The following ZNF862 variants were observed in gnomAD, a reference collection of about 807,000 sequenced individuals.
The protein encoded by ZNF862 is zinc finger protein 862.
A neutral mutation model predicts 91.1 loss-of-function variants in ZNF862; 64 were observed. The observed-to-expected ratio is 0.70, with a 90% CI of 0.57 to 0.87. The LOEUF (loss-of-function observed/expected upper bound fraction) is 0.87, where lower values mean the gene tolerates loss of function less well. Among genes scored for constraint, ZNF862 ranks in the 40% least tolerant of loss-of-function variants. The pLI is 0.00. For synonymous variants in ZNF862, 631 were observed against 618.1 expected (o/e 1.02, Z -0.31); for missense variants, 1,459 against 1,528.0 (o/e 0.95, Z 0.75).
In ZNF862 at chr7:149,860,585, G is replaced by A; in HGVS notation, c.1425G>A (p.Trp475Ter). ...IQRSWFGQFP[W>*]LVIDPKETKL... Reference sequence around the variant, plus strand: ...GGTCATGGTTTGGGCAGTTCCCATGGTTAGTAATTGACCCCAAAGAGACCA... The same window carrying A: ...GGTCATGGTTTGGGCAGTTCCCATGATTAGTAATTGACCCCAAAGAGACCA... The change falls in exon 7 of 8, where the codon TGG becomes TGA. Residue 475 changes from tryptophan (W) to a stop codon, truncating the protein, a stop_gained. Coordinates refer to ENST00000223210, the MANE Select transcript of ZNF862 (RefSeq NM_001099220.3). LOFTEE classifies it high-confidence loss of function. 1 of 1,613,998 alleles carries A rather than the reference G, an allele frequency of 6.2e-7. No individual in the cohort carries two copies. The highest frequency in any genetic ancestry group is 2.2e-5 in the East Asian group (1 of 44,882).
chr7:149,864,768 CT>C lies in ZNF862; in HGVS notation c.*486del, dbSNP rs2128943956. The stretch of plus-strand genomic sequence containing the variant: ...AGCCCCCAGAGGCATTGTTCTGGGA[CT>C]TCCTACCCTGGCTCCCACAGCAGAA... On this transcript the variant is annotated 3_prime_UTR_variant, in exon 8 of 8. Coordinates refer to ENST00000223210, the MANE Select transcript of ZNF862 (RefSeq NM_001099220.3). The C allele has an allele frequency of 6.4e-6, 1 of 155,794 alleles. No individual in the cohort carries two copies. The highest frequency in any genetic ancestry group is 2.4e-5 in the African/African-American group (1 of 41,588). The allele number at this position is 155,794 out of a possible 1,614,324, so 9.7% of individuals were successfully genotyped here. A position where few individuals can be genotyped will look rare whatever the true frequency, so the allele number is the denominator to read the frequency against.
Position 149,862,029 on chromosome 7 carries a change from A to G in ZNF862, c.2869A>G (p.Ser957Gly), listed in dbSNP as rs766666077. The G allele has an allele frequency of 6.2e-7, 1 of 1,613,832 alleles. No individual in the cohort carries two copies. The highest frequency in any genetic ancestry group is 8.5e-7 in the Non-Finnish European group (1 of 1,179,882). Residue 957 changes from serine (S) to glycine (G), a missense_variant, in exon 7 of 8, where the codon AGT becomes GGT. Transcript: ENST00000223210. ...MEVFDTMAWP[S>G]GIELASFGND... ...GGTGTTTGACACCATGGCCTGGCCA[A>G]GTGGGATTGAACTTGCCAGTTTTGG...
At chr7:149,863,970 G>C (rs973365725) in intron 7 of ZNF862, 139 bp from the exon 8 acceptor site, 6 of 814,308 alleles carry the variant, frequency 7.4e-6, no homozygotes, top group Non-Finnish European at 1.1e-5. Context: ...CAACAGATGA[G>C]GGCTGCAAAG....
At chr7:149,863,624 T>C (rs189718303) in intron 7 of ZNF862, among the ~76,000 whole-genome samples, 57 of 152,270 alleles carry the variant, frequency 3.7e-4, no homozygotes, top group Middle Eastern at 3.4e-3. Context: ...TGTGCCCTGA[T>C]GCGAGTTACT....
rs1802714672 is a variant in ZNF862 at position 149,866,183 on chromosome 7, T to C, written c.*1899T>C. Reference sequence around the variant, plus strand: ...GCTTTCTGCCTTTGACCTGTGGAAATGTCTCCCAGCCCTGTGGGTCTGGCG... The same window carrying C: ...GCTTTCTGCCTTTGACCTGTGGAAACGTCTCCCAGCCCTGTGGGTCTGGCG... On this transcript the variant is annotated 3_prime_UTR_variant, in exon 8 of 8. Transcript: ENST00000223210. 1 of 152,288 alleles carries C rather than the reference T, an allele frequency of 6.6e-6. No individual in the cohort carries two copies. The highest frequency in any genetic ancestry group is 6.5e-5 in the Admixed American group (1 of 15,286). 9.4% of individuals were successfully genotyped at this position (152,288 alleles called of 1,614,324 possible). A position where few individuals can be genotyped will look rare whatever the true frequency, so the allele number is the denominator to read the frequency against.
chr7:149,862,195 C>G lies in ZNF862; in HGVS notation c.3035C>G (p.Ala1012Gly). The stretch of plus-strand genomic sequence containing the variant: ...CCGTTCTCCATGCTCTGCAAAAACG[C>G]CCTGGCCCAGCACTGCCGCTTCCCC... ...HLPFSMLCKN[A>G]LAQHCRFPLL... Residue 1012 changes from alanine to glycine, a missense_variant, in exon 7 of 8, where the codon GCC (alanine) becomes GGC (glycine). Coordinates refer to ENST00000223210, the MANE Select transcript of ZNF862 (RefSeq NM_001099220.3). The G allele has an allele frequency of 3.7e-6, 6 of 1,613,634 alleles. No individual in the cohort carries two copies. The highest frequency in any genetic ancestry group is 5.1e-6 in the Non-Finnish European group (6 of 1,179,886).
chr7:149,861,967 T>C lies in ZNF862; in HGVS notation c.2807T>C (p.Phe936Ser), dbSNP rs1046387451. 1.9e-6 allele frequency: 3 copies of C among 1,613,700 alleles called. No homozygotes were observed. The highest frequency in any genetic ancestry group is 2.5e-6 in the Non-Finnish European group (3 of 1,179,868). Reference protein sequence around the residue: ...LTGIEYLQQRFDADRPPQLKN... With the variant: ...LTGIEYLQQRSDADRPPQLKN... ...GGGATTGAGTACCTCCAGCAGAGGT[T>C]TGACGCAGACCGACCCCCACAGCTG... The change falls in exon 7 of 8, where the codon TTT (phenylalanine) becomes TCT (serine). Residue 936 changes from phenylalanine (F) to serine (S), a missense_variant. Phe to Ser is a radical substitution (Grantham distance 155, BLOSUM62 -2). Coordinates refer to ENST00000223210, the MANE Select transcript of ZNF862 (RefSeq NM_001099220.3). This position sits in a 1 kb window ranked among gnomAD's most constrained non-coding sequence, Gnocchi z 6.7.
chr7:149,840,966 C>G, intron 1 of ZNF862: 3 of 985,364 alleles, frequency 3.0e-6, no homozygotes, highest in Non-Finnish European at 3.6e-6. Context: ...CGTGTCCTGT[C>G]CAACCACTAA....
At chr7:149,848,498 C>A in intron 4 of ZNF862, 66 bp downstream of exon 4, 1 of 1,282,612 alleles carries the variant, frequency 7.8e-7, no homozygotes, top group South Asian at 1.7e-5. Flanking sequence ...CGATGTATAT[C>A]CATGCTGATG....
At chr7:149,858,421 TAGTAGTAAATATGTA>T (rs1802333555) in intron 5 of ZNF862, 1 of 152,192 alleles carries the variant, frequency 6.6e-6, no homozygotes, top group South Asian at 2.1e-4. Flanking sequence ...ATATTTTTAT[TAGTAGTAAATATGTA>T]GATATTGACA....
At chr7:149,851,972 T>C (rs1802080446) in intron 5 of ZNF862, 1 of 152,174 alleles carries the variant, frequency 6.6e-6, no homozygotes, top group African/African-American at 2.4e-5. Flanking sequence ...GAGTTGCATG[T>C]GTGTGATTCC....
At chr7:149,840,187 TAAAAAAAAAAAAAAAA>T (rs60721842) in intron 1 of ZNF862, among the ~76,000 whole-genome samples, 5 of 41,252 alleles carry the variant, frequency 1.2e-4, no homozygotes, top group Middle Eastern at 0.025. Context: ...GCTTAAAAAG[TAAAAAAAAAAAAAAAA>T]AAAAAAAAAA....
In ZNF862 at chr7:149,860,727, A is replaced by C. The variant is rs1325996045; in HGVS notation, c.1567A>C (p.Lys523Gln). 6.2e-7 allele frequency: 1 copy of C among 1,613,926 alleles called. No individual in the cohort carries two copies. The highest frequency in any genetic ancestry group is 2.2e-5 in the East Asian group (1 of 44,872). ...VETLKYHEVSKAHRLCVNTVE... is the reference protein window; with the variant it reads ...VETLKYHEVSQAHRLCVNTVE... ...GACTTTAAAATACCATGAAGTCAGC[A>C]AAGCGCACAGGCTCTGTGTCAACAC... Residue 523 changes from lysine to glutamine, a missense_variant, in exon 7 of 8, where the codon AAA becomes CAA. Transcript: ENST00000223210.
rs781220098 is a variant in ZNF862 at position 149,860,481 on chromosome 7, T to G, written c.1321T>G (p.Cys441Gly). 62 of 1,613,886 alleles carry G rather than the reference T, an allele frequency of 3.8e-5. No individual in the cohort carries two copies. The East Asian group carries it at 1.4e-3, about 35-fold the overall frequency. ...PGSPVEARAS[C>G]CSSSICEEGD... Reference sequence around the variant, plus strand: ...CTCTCCCGTGGAGGCCCGTGCCTCCTGCTGCAGTTCCAGCATTTGTGAGGA... The same window carrying G: ...CTCTCCCGTGGAGGCCCGTGCCTCCGGCTGCAGTTCCAGCATTTGTGAGGA... The change falls in exon 7 of 8, where the codon TGC (cysteine) becomes GGC (glycine). Residue 441 changes from cysteine (C) to glycine (G), a missense_variant. By Grantham distance (159) the Cys-to-Gly change is radical. Transcript: ENST00000223210.
At chr7:149,844,936 A>G in intron 2 of ZNF862, 200 bp downstream of exon 2, 2 of 525,910 alleles carry the variant, frequency 3.8e-6, no homozygotes, top group South Asian at 4.2e-5. Context: ...TCCCCTTAAA[A>G]TGGTCAAGAG....
At chr7:149,840,465 T>A (rs2128935053) in intron 1 of ZNF862, among the ~76,000 whole-genome samples, 1 of 152,290 alleles carries the variant, frequency 6.6e-6, no homozygotes, top group Admixed American at 6.5e-5. Context: ...TTTTGATAAA[T>A]TCGGCGTAGC....
intron 1 of ZNF862, chr7:149,841,251 G>C (rs937653269): frequency 3.0e-6 from 3 of 985,214 alleles, no homozygotes. Flanking sequence ...ATAGTGGTTT[G>C]GTCTATTACT....
chr7:149,850,014 T>C lies in ZNF862; in HGVS notation c.940-147T>C. The C allele has an allele frequency of 1.2e-6, 1 of 807,510 alleles. No individual in the cohort carries two copies. Among genetic ancestry groups the C allele is most frequent in the Non-Finnish European group, 2.0e-6 (1 of 511,218 alleles). 50.0% of individuals were successfully genotyped at this position (807,510 alleles called of 1,614,324 possible). A position where few individuals can be genotyped will look rare whatever the true frequency, so the allele number is the denominator to read the frequency against. ...GGCCTCCTGAATTTGATTCTTTGAC[T>C]TTCAGTGGATAAATTAATTCCTCTG... On this transcript the variant is annotated intron_variant, in intron 4 of 7. Coordinates refer to ENST00000223210, the MANE Select transcript of ZNF862 (RefSeq NM_001099220.3). This position sits in a 1 kb window ranked among gnomAD's most constrained non-coding sequence, Gnocchi z 4.2.
rs1432374234 is a variant in ZNF862, at chr7:149,862,069, T to C, written c.2909T>C (p.Leu970Pro). 15 of 1,613,746 alleles carry C rather than the reference T, an allele frequency of 9.3e-6. No individual in the cohort carries two copies. The highest frequency in any genetic ancestry group is 1.3e-5 in the African/African-American group (1 of 75,020). The change falls in exon 7 of 8, where the codon CTC becomes CCC. Residue 970 changes from leucine to proline, a missense_variant. Transcript: ENST00000223210. ...GCCAGTTTTGGGAATGATGACATTCTCAACCTGGCCAGGTATTTCGAGTGC... is the reference window on the plus strand; with the variant it reads ...GCCAGTTTTGGGAATGATGACATTCCCAACCTGGCCAGGTATTTCGAGTGC... The part of the protein sequence containing the change: ...ELASFGNDDI[L>P]NLARYFECSL...
Sources: allele counts gnomAD v4.1 joint callset (sites outside exome capture counted in the v4.1 genomes callset), GRCh38; gene constraint gnomAD v4.1.1; non-coding constraint Gnocchi (gnomAD v3.1); transcripts MANE v1.5; gene names NCBI Gene and HGNC (gene_info 2026-07-23, HGNC 2026-07-21).